TRAF3IP1: variants seen among roughly 807,000 people sequenced by gnomAD.
The protein encoded by TRAF3IP1 is intraflagellar transport 54.
A neutral mutation model predicts 89.9 loss-of-function variants in TRAF3IP1; 53 were observed. The ratio of observed to expected loss-of-function variants is 0.59; its 90% confidence interval spans 0.47 to 0.74. The LOEUF is 0.74. Among genes scored for constraint, TRAF3IP1 ranks in the 30% least tolerant of loss-of-function variants. TRAF3IP1 has a pLI of 0.00. For missense variants in TRAF3IP1, 806 were observed against 866.1 expected, an observed-to-expected ratio of 0.93 and a Z score of 0.87; for synonymous variants, 311 against 322.1, an observed-to-expected ratio of 0.97 and a Z score of 0.37.
intron 15 of TRAF3IP1, among the ~76,000 whole-genome samples, chr2:238,359,817 T>C (rs561823633): frequency 6.6e-6 from 1 of 152,356 alleles, no homozygotes; most frequent in South Asian, 2.1e-4. Context: ...TACCAAACCC[T>C]GTATATACCA....
chr2:238,351,834 G>GGTGTGT lies in TRAF3IP1; in HGVS notation c.1452-965_1452-960dup, dbSNP rs10527993. ...TGGCACTGAAGCAAGGGAGGATTTT[G>GGTGTGT]GTGTGTGTGTGTGTGTGTGTGTGTG... On this transcript the variant is annotated intron_variant, in intron 12 of 16. Coordinates refer to ENST00000373327, the MANE Select transcript of TRAF3IP1 (RefSeq NM_015650.4). The surrounding 1 kb of genome is among the most constrained non-coding windows in gnomAD (Gnocchi z 5.2). Among the ~76,000 whole-genome samples the GGTGTGT allele has an allele frequency of 3.9e-3, 553 of 140,936 alleles. 4 individuals carry two copies. Among genetic ancestry groups the GGTGTGT allele is most frequent in the African/African-American group, 0.014 (517 of 37,996 alleles). The allele number at this position is 140,936 out of a possible 152,430, so 92.5% of individuals were successfully genotyped here. A position where few individuals can be genotyped will look rare whatever the true frequency, so the allele number is the denominator to read the frequency against.
At chr2:238,362,638 A>G (rs936902997) in intron 15 of TRAF3IP1, among the ~76,000 whole-genome samples, 8 of 152,244 alleles carry the variant, frequency 5.3e-5, no homozygotes, top group African/African-American at 1.9e-4. Context: ...CACTTATATT[A>G]TGTTGGCTAG....
intron 3 of TRAF3IP1, among the ~76,000 whole-genome samples, chr2:238,327,816 G>A (rs530017830): frequency 3.1e-4 from 47 of 152,156 alleles, no homozygotes; most frequent in Middle Eastern, 3.4e-3. Context: ...TAGGGACCTC[G>A]GATAAGTGGG....
chr2:238,373,853 T>G (rs1031290678), intron 15 of TRAF3IP1, among the ~76,000 whole-genome samples: 1 of 152,184 alleles, frequency 6.6e-6, no homozygotes, highest in African/African-American at 2.4e-5. Context: ...CTTCGCATCC[T>G]TTGTAAGTTG....
intron 5 of TRAF3IP1, among the ~76,000 whole-genome samples, chr2:238,330,719 T>C (rs1698078631): frequency 6.6e-6 from 1 of 152,182 alleles, no homozygotes; most frequent in Admixed American, 6.5e-5. Context: ...TATAAGCCCA[T>C]TTTGTGATCT....
intron 15 of TRAF3IP1, among the ~76,000 whole-genome samples, chr2:238,376,349 GTT>G (rs1386816025): frequency 1.3e-5 from 2 of 152,204 alleles, no homozygotes; most frequent in Admixed American, 6.5e-5. Flanking sequence ...ACAGGCTGTA[GTT>G]TATACTGCTC....
In TRAF3IP1 at chr2:238,397,463, G is replaced by A. The variant is rs199812505; in HGVS notation, c.1694G>A (p.Arg565Gln). The A allele has an allele frequency of 3.7e-6, 6 of 1,612,554 alleles. No individual in the cohort carries two copies. Among genetic ancestry groups the A allele is most frequent in the Non-Finnish European group, 5.1e-6 (6 of 1,179,790 alleles). ...QQSPKPGEKE[R>Q]SLFESAWKKE... Reference sequence around the variant, plus strand: ...CCTATGTCTCCCTGACTGTAGGAGCGATCTCTCTTTGAGTCGGCATGGAAG... The same window carrying A: ...CCTATGTCTCCCTGACTGTAGGAGCAATCTCTCTTTGAGTCGGCATGGAAG... The change falls in exon 16 of 17, where the codon CGA becomes CAA. Residue 565 changes from arginine to glutamine, a missense_variant. Arg to Gln is a conservative substitution (Grantham distance 43). This residue lies in a region of TRAF3IP1 where 732 missense variants were observed against 780.5 expected (regional missense o/e 0.94). Coordinates refer to ENST00000373327, the MANE Select transcript of TRAF3IP1 (RefSeq NM_015650.4).
intron 15 of TRAF3IP1, among the ~76,000 whole-genome samples, chr2:238,394,871 A>G (rs1701141216): frequency 6.6e-6 from 1 of 152,244 alleles, no homozygotes; most frequent in Non-Finnish European, 1.5e-5. Flanking sequence ...ATCTAGGCAC[A>G]AGGTCCTGCC....
chr2:238,359,394 C>G (rs1699566585), intron 15 of TRAF3IP1, among the ~76,000 whole-genome samples: 1 of 152,172 alleles, frequency 6.6e-6, no homozygotes, highest in Non-Finnish European at 1.5e-5. Flanking sequence ...GCAGCCACCC[C>G]TCTGCTCTGG....
In TRAF3IP1 at chr2:238,338,431, A is replaced by G. The variant is rs1459804857; in HGVS notation, c.1133A>G (p.Asn378Ser). Residue 378 changes from asparagine (N) to serine (S), a missense_variant, in exon 8 of 17, where the codon AAT (asparagine) becomes AGT (serine). By Grantham distance (46) the Asn-to-Ser change is conservative. Around this residue, in one of 3 missense-constraint regions of TRAF3IP1, gnomAD observed 732 missense variants for 780.5 expected, o/e 0.94. Transcript: ENST00000373327. ...GTGTCTGGAATAAATAATGAGCCAA[A>G]TCAGGAAACGACAACATCAGAAATA... ...SIVSGINNEP[N>S]QETTTSEIGT... The G allele has an allele frequency of 3.8e-6, 6 of 1,595,448 alleles. No individual in the cohort carries two copies. Among genetic ancestry groups the G allele is most frequent in the African/African-American group, 1.3e-5 (1 of 74,260 alleles).
chr2:238,374,175 G>C (rs1204951435), intron 15 of TRAF3IP1, among the ~76,000 whole-genome samples: 1 of 152,208 alleles, frequency 6.6e-6, no homozygotes, highest in Non-Finnish European at 1.5e-5. Flanking sequence ...GTGTTGAATA[G>C]GAGTGGTGAG....
rs756014269 is a variant in TRAF3IP1, at chr2:238,328,945, TAAAAG to T, written c.520_524del (p.Lys174GlufsTer79). ...TCGTAGGATAGAGGAGACGCTGAAATAAAAGAGAGAAGTACAAGCAGAGATCGAAA... is the reference window on the plus strand; with the variant it reads ...TCGTAGGATAGAGGAGACGCTGAAATAGAGAAGTACAAGCAGAGATCGAAA... On this transcript the variant is annotated frameshift_variant, in exon 5 of 17. Transcript: ENST00000373327. LOFTEE classifies it high-confidence loss of function. 1 of 1,551,368 alleles carries T rather than the reference TAAAAG, an allele frequency of 6.4e-7. No individual in the cohort carries two copies. Among genetic ancestry groups the T allele is most frequent in the South Asian group, 1.2e-5 (1 of 82,590 alleles).
chr2:238,341,260 G>A (rs911930457), intron 8 of TRAF3IP1, among the ~76,000 whole-genome samples: 2 of 150,588 alleles, frequency 1.3e-5, no homozygotes, highest in African/African-American at 4.9e-5. Context: ...GGGCTCAAGT[G>A]ATCCTTTCAC....
intron 3 of TRAF3IP1, among the ~76,000 whole-genome samples, chr2:238,326,530 A>G (rs1697842077): frequency 6.7e-6 from 1 of 149,430 alleles, no homozygotes; most frequent in Non-Finnish European, 1.5e-5. Context: ...TGAGCTTTTC[A>G]CTGTGGGCTA....
chr2:238,326,565 G>A (rs1040112681), intron 3 of TRAF3IP1, among the ~76,000 whole-genome samples: 1 of 152,102 alleles, frequency 6.6e-6, no homozygotes, highest in South Asian at 2.1e-4. Flanking sequence ...AAGGCCTCAG[G>A]CTTCTCTAGT....
intron 15 of TRAF3IP1, among the ~76,000 whole-genome samples, chr2:238,357,369 A>G (rs909901271): frequency 2.0e-5 from 3 of 152,238 alleles, no homozygotes; most frequent in African/African-American, 7.2e-5. Flanking sequence ...ACAATTTAAA[A>G]AAGTTTTATA....
chr2:238,394,490 A>G (rs1482205321), intron 15 of TRAF3IP1, among the ~76,000 whole-genome samples: 1 of 152,156 alleles, frequency 6.6e-6, no homozygotes, highest in Non-Finnish European at 1.5e-5. Flanking sequence ...TTCCATTTCC[A>G]AGTCCTATAC....
intron 15 of TRAF3IP1, among the ~76,000 whole-genome samples, chr2:238,371,387 C>T (rs1186565860): frequency 6.6e-6 from 1 of 152,020 alleles, no homozygotes; most frequent in Non-Finnish European, 1.5e-5. Context: ...GTCAGATTTG[C>T]TGTAGACTTC....
intron 14 of TRAF3IP1, among the ~76,000 whole-genome samples, chr2:238,354,140 T>G (rs1699299992): frequency 6.6e-6 from 1 of 152,234 alleles, no homozygotes; most frequent in Non-Finnish European, 1.5e-5. Context: ...CTTATTAATG[T>G]TCAGATTGCC....
Sources: gnomAD v4.1 joint callset for allele counts (sites outside exome capture counted in the v4.1 genomes callset) on GRCh38, gnomAD v4.1.1 for gene constraint, gnomAD v4.1.1 regional missense constraint, Gnocchi (gnomAD v3.1) non-coding constraint, MANE v1.5 for transcripts, NCBI Gene and HGNC (gene_info 2026-07-23, HGNC 2026-07-21) for gene names.